Variants in ITGA9 observed in about 807,000 individuals in gnomAD.
ITGA9 encodes the protein integrin subunit alpha 9, also known as integrin alpha-9.
A neutral mutation model predicts 127.8 loss-of-function variants in ITGA9; 56 were observed. The ratio of observed to expected loss-of-function variants is 0.44; its 90% CI spans 0.35 to 0.55. ITGA9 has a LOEUF of 0.55. ITGA9 is among the 20% of genes least tolerant of loss of function. ITGA9 has a pLI of 0.00. For missense variants in ITGA9, 1,196 were observed against 1,347.1 expected, an observed-to-expected ratio of 0.89 and a Z score of 1.76; for synonymous variants, 508 against 514.5, an observed-to-expected ratio of 0.99 and a Z score of 0.17.
chr3:37,776,600 T>C (rs1696911208), intron 23 of ITGA9, among the ~76,000 whole-genome samples: 1 of 152,244 alleles, frequency 6.6e-6, no homozygotes, highest in African/African-American at 2.4e-5. Context: ...ACTTCATTTT[T>C]CTAACAGTTC....
At position 37,452,367 on chromosome 3, in the gene ITGA9, G is replaced by A; in HGVS notation, c.-8G>A. The A allele has an allele frequency of 8.3e-7, 1 of 1,202,408 alleles. No homozygotes were observed. The highest frequency in any genetic ancestry group is 1.0e-6 in the Non-Finnish European group (1 of 970,678). 74.5% of individuals were successfully genotyped at this position (1,202,408 alleles called of 1,614,324 possible). A position where few individuals can be genotyped will look rare whatever the true frequency, so the allele number is the denominator to read the frequency against. On this transcript the variant is annotated 5_prime_UTR_variant, in exon 1 of 28. Coordinates refer to ENST00000264741, the MANE Select transcript of ITGA9 (RefSeq NM_002207.3). This position sits in a 1 kb window ranked among gnomAD's most constrained non-coding sequence, Gnocchi z 7.3. The stretch of plus-strand genomic sequence containing the variant: ...CCGGGCAGAGGGGAAGGCGGCGGCC[G>A]GCTGGGGATGGGCGGCCCGGCTGCG...
chr3:37,724,569 T>C (rs1701226580), intron 18 of ITGA9, among the ~76,000 whole-genome samples: 1 of 152,152 alleles, frequency 6.6e-6, no homozygotes, highest in South Asian at 2.1e-4. Context: ...AAACTCGGCT[T>C]ACTGCAACCT....
chr3:37,627,081 G>T (rs913325169), intron 15 of ITGA9, among the ~76,000 whole-genome samples: 4 of 152,170 alleles, frequency 2.6e-5, no homozygotes, highest in African/African-American at 9.7e-5. Context: ...AGTATCAAAG[G>T]TCTGCCCCGA....
intron 17 of ITGA9, among the ~76,000 whole-genome samples, chr3:37,675,085 T>C (rs1370031818): frequency 6.6e-6 from 1 of 152,210 alleles, no homozygotes; most frequent in Non-Finnish European, 1.5e-5. Flanking sequence ...ATCCCTTTTA[T>C]ATTTATGTGC....
At chr3:37,594,256 G>A (rs967080113) in intron 15 of ITGA9, among the ~76,000 whole-genome samples, 3 of 152,162 alleles carry the variant, frequency 2.0e-5, no homozygotes, top group Non-Finnish European at 2.9e-5. Context: ...ATTAATGTAC[G>A]TTTATACCAG....
chr3:37,743,536 C>A (rs1212478059), intron 21 of ITGA9, among the ~76,000 whole-genome samples: 1 of 152,132 alleles, frequency 6.6e-6, no homozygotes, highest in Non-Finnish European at 1.5e-5. Context: ...TTTAGGATGC[C>A]AAATACATAA....
intron 15 of ITGA9, among the ~76,000 whole-genome samples, chr3:37,568,283 C>G (rs904029335): frequency 6.6e-6 from 1 of 152,228 alleles, no homozygotes; most frequent in Non-Finnish European, 1.5e-5. Flanking sequence ...CACCAAGTCC[C>G]TAGGCTGCAC....
At chr3:37,574,512 A>T (rs913993861) in intron 15 of ITGA9, among the ~76,000 whole-genome samples, 1 of 152,188 alleles carries the variant, frequency 6.6e-6, no homozygotes, top group African/African-American at 2.4e-5. Context: ...GGATTGTTAC[A>T]TTAAGATCCA....
intron 19 of ITGA9, among the ~76,000 whole-genome samples, chr3:37,733,829 A>G (rs1191237724): frequency 6.6e-6 from 1 of 152,194 alleles, no homozygotes; most frequent in Non-Finnish European, 1.5e-5. Flanking sequence ...CTAGGGCAAA[A>G]AGGTAATAAC....
At chr3:37,817,270 G>C (rs1178129709) in intron 27 of ITGA9, among the ~76,000 whole-genome samples, 1 of 152,218 alleles carries the variant, frequency 6.6e-6, no homozygotes, top group Non-Finnish European at 1.5e-5. Context: ...AGAGTCTTAA[G>C]GGTTTTCCAG....
At chr3:37,549,219 G>A (rs902758209) in intron 15 of ITGA9, among the ~76,000 whole-genome samples, 7 of 152,192 alleles carry the variant, frequency 4.6e-5, no homozygotes, top group Non-Finnish European at 7.4e-5. Context: ...TGATATCTCC[G>A]ATGAGCACTG....
Position 37,452,588 on chromosome 3 carries a change from G to T in ITGA9, c.185+29G>T, listed in dbSNP as rs780196593. The T allele has an allele frequency of 1.3e-6, 2 of 1,485,028 alleles. No homozygotes were observed. Among genetic ancestry groups the T allele is most frequent in the Non-Finnish European group, 1.8e-6 (2 of 1,115,070 alleles). 92.0% of individuals were successfully genotyped at this position (1,485,028 alleles called of 1,614,324 possible). A position where few individuals can be genotyped will look rare whatever the true frequency, so the allele number is the denominator to read the frequency against. ...AGTGCCCGCCCGACTCCGCGACCCT[G>T]GCCCGCGCGGCCACCGCCCCGGCCC... On this transcript the variant is annotated intron_variant, in intron 1 of 27. Transcript: ENST00000264741. The surrounding 1 kb of genome is among the most constrained non-coding windows in gnomAD (Gnocchi z 7.3).
chr3:37,540,761 G>A (rs267539), intron 14 of ITGA9, among the ~76,000 whole-genome samples: 67,883 of 152,106 alleles, frequency 0.45, 15,801 homozygotes, highest in East Asian at 0.73. Flanking sequence ...CCCCATTGGA[G>A]TTGGTGTGTG....
At chr3:37,492,341 G>A (rs1250885610) in intron 4 of ITGA9, among the ~76,000 whole-genome samples, 1 of 152,238 alleles carries the variant, frequency 6.6e-6, no homozygotes, top group African/African-American at 2.4e-5. Flanking sequence ...CAGACCTCTG[G>A]TGGGGCAGTC....
chr3:37,590,976 C>T (rs987914399), intron 15 of ITGA9, among the ~76,000 whole-genome samples: 2 of 152,182 alleles, frequency 1.3e-5, no homozygotes, highest in African/African-American at 4.8e-5. Context: ...TGCAGGAAGT[C>T]CTCGCCTCTG....
chr3:37,700,384 C>G (rs1700933427), intron 18 of ITGA9, among the ~76,000 whole-genome samples: 1 of 152,136 alleles, frequency 6.6e-6, no homozygotes, highest in Non-Finnish European at 1.5e-5. Flanking sequence ...GACAAGGTCT[C>G]ACTCTGTTGC....
Position 37,452,384 on chromosome 3 carries a change from CCGGCTGCGCCGAGGGGCGCCGGGAGGCT to C in ITGA9, c.12_39del (p.Ala6ArgfsTer64). 1 of 1,272,554 alleles carries C rather than the reference CCGGCTGCGCCGAGGGGCGCCGGGAGGCT, an allele frequency of 7.9e-7. No individual in the cohort carries two copies. The highest frequency in any genetic ancestry group is 9.9e-7 in the Non-Finnish European group (1 of 1,012,084). 78.8% of individuals were successfully genotyped at this position (1,272,554 alleles called of 1,614,324 possible). On this transcript the variant is annotated frameshift_variant, in exon 1 of 28. Transcript: ENST00000264741. LOFTEE classifies it high-confidence loss of function. The surrounding 1 kb of genome is among the most constrained non-coding windows in gnomAD (Gnocchi z 7.3). ...CGGCGGCCGGCTGGGGATGGGCGGC[CCGGCTGCGCCGAGGGGCGCCGGGAGGCT>C]CCGCGCGCTGCTGCTGGCGCTGGTG...
At chr3:37,816,057 A>G (rs956027957) in intron 27 of ITGA9, among the ~76,000 whole-genome samples, 1 of 152,134 alleles carries the variant, frequency 6.6e-6, no homozygotes, top group Admixed American at 6.5e-5. Context: ...CTCTCATCCA[A>G]TTGTCAAAGC....
At chr3:37,785,326 AAGGGAAAATGGTCTGGAAGTACACCC>A (rs1697026785) in intron 26 of ITGA9, among the ~76,000 whole-genome samples, 1 of 152,182 alleles carries the variant, frequency 6.6e-6, no homozygotes, top group South Asian at 2.1e-4. Context: ...TGATTGTCCA[AAGGGAAAATGGTCTGGAAGTACACCC>A]ACGTCAACAG....
Sources: allele counts gnomAD v4.1 joint callset (sites outside exome capture counted in the v4.1 genomes callset), GRCh38; gene constraint gnomAD v4.1.1; non-coding constraint Gnocchi (gnomAD v3.1); transcripts MANE v1.5; gene names NCBI Gene and HGNC (gene_info 2026-07-23, HGNC 2026-07-21).